The following R3HCC1L variants were observed in gnomAD, a reference collection of about 807,000 sequenced individuals.
The protein encoded by R3HCC1L is coiled-coil domain-containing protein R3HCC1L.
In R3HCC1L, 51 loss-of-function variants were observed where a neutral mutation model predicts 59.9. The ratio of observed to expected loss-of-function variants is 0.85; its 90% CI spans 0.68 to 1.07. The LOEUF (loss-of-function observed/expected upper bound fraction) is 1.07. R3HCC1L is among the 50% of genes least tolerant of loss of function. R3HCC1L has a pLI of 0.00. For synonymous variants in R3HCC1L, 322 were observed against 315.2 expected, an observed-to-expected ratio of 1.02 and a Z score of -0.23; for missense variants, 965 against 933.0, an observed-to-expected ratio of 1.03 and a Z score of -0.45.
At chr10:98,192,765 G>A (rs1346982598) in intron 4 of R3HCC1L, among the ~76,000 whole-genome samples, 1 of 152,114 alleles carries the variant, frequency 6.6e-6, no homozygotes, top group East Asian at 1.9e-4. Flanking sequence ...AATGGAAGAG[G>A]AAGGAACACT....
At chr10:98,225,056 G>T (rs1413267507) in intron 5 of R3HCC1L, among the ~76,000 whole-genome samples, 1 of 152,042 alleles carries the variant, frequency 6.6e-6, no homozygotes, top group Non-Finnish European at 1.5e-5. Context: ...AATTATTAAA[G>T]ACATTTTTTT....
intron 5 of R3HCC1L, among the ~76,000 whole-genome samples, chr10:98,228,218 G>A (rs1484516424): frequency 1.2e-4 from 19 of 152,110 alleles, no homozygotes; most frequent in South Asian, 8.3e-4. Context: ...AAGTGTTCCT[G>A]TTTCTCCACA....
At chr10:98,194,259 G>A (rs1851178355) in intron 4 of R3HCC1L, among the ~76,000 whole-genome samples, 4 of 151,980 alleles carry the variant, frequency 2.6e-5, no homozygotes, top group African/African-American at 9.7e-5. Context: ...AAATCGTGTT[G>A]GGAAAACTGG....
At chr10:98,230,169 C>T (rs955294963) in intron 5 of R3HCC1L, among the ~76,000 whole-genome samples, 1 of 152,152 alleles carries the variant, frequency 6.6e-6, no homozygotes, top group Non-Finnish European at 1.5e-5. Context: ...TCAGCTCCTC[C>T]TTGTACCTCT....
intron 5 of R3HCC1L, among the ~76,000 whole-genome samples, chr10:98,221,975 A>G (rs1590777926): frequency 6.6e-6 from 1 of 152,278 alleles, no homozygotes; most frequent in African/African-American, 2.4e-5. Context: ...TGGGCAGTAT[A>G]GCCATTTTCT....
chr10:98,144,880 C>G (rs2133918156), intron 1 of R3HCC1L, among the ~76,000 whole-genome samples: 1 of 152,188 alleles, frequency 6.6e-6, no homozygotes, highest in East Asian at 1.9e-4. Flanking sequence ...AACAAATTGA[C>G]TGGAGGGGAC....
chr10:98,221,954 G>A (rs534012386), intron 5 of R3HCC1L, among the ~76,000 whole-genome samples: 1 of 152,242 alleles, frequency 6.6e-6, no homozygotes, highest in East Asian at 1.9e-4. Flanking sequence ...CATTGAATCT[G>A]TAAATTACCT....
At position 98,244,269 on chromosome 10, in the gene R3HCC1L, G is replaced by C; in HGVS notation, c.*111G>C. The stretch of plus-strand genomic sequence containing the variant: ...TACATGCAGATGTGCATGTTAAAGA[G>C]ATAAAGTGATCGAGACAAGGACTGA... On this transcript the variant is annotated 3_prime_UTR_variant, in exon 10 of 10. Transcript: ENST00000298999. The C allele has an allele frequency of 9.6e-7, 1 of 1,043,398 alleles. No homozygotes were observed. The highest frequency in any genetic ancestry group is 1.4e-6 in the Non-Finnish European group (1 of 694,988). The allele number at this position is 1,043,398 out of a possible 1,614,324, so 64.6% of individuals were successfully genotyped here.
chr10:98,233,567 C>T (rs1345878904), intron 6 of R3HCC1L, among the ~76,000 whole-genome samples: 2 of 152,068 alleles, frequency 1.3e-5, no homozygotes, highest in African/African-American at 2.4e-5. Context: ...ACAGAGGAGC[C>T]GACCTAGCTT....
In R3HCC1L at chr10:98,209,379, C is replaced by G; in HGVS notation, c.1265C>G (p.Ala422Gly). 2.5e-6 allele frequency: 4 copies of G among 1,613,968 alleles called. No individual in the cohort carries two copies. Among genetic ancestry groups the G allele is most frequent in the Non-Finnish European group, 3.4e-6 (4 of 1,179,982 alleles). The change falls in exon 5 of 10, where the codon GCA (alanine) becomes GGA (glycine). Residue 422 changes from alanine to glycine, a missense_variant. Physicochemically the swap from Ala to Gly is moderately conservative, Grantham distance 60. Coordinates refer to ENST00000298999, the MANE Select transcript of R3HCC1L (RefSeq NM_001351015.2). The stretch of plus-strand genomic sequence containing the variant: ...AAGTTTGTAGGAATGAGTGCAGATG[C>G]AACCCCTCTTCATGTAGCTAGAAGT... ...FSKFVGMSAD[A>G]TPLHVARSGN...
At chr10:98,230,190 A>G (rs1300687065) in intron 5 of R3HCC1L, among the ~76,000 whole-genome samples, 3 of 152,284 alleles carry the variant, frequency 2.0e-5, no homozygotes, top group East Asian at 1.9e-4. Flanking sequence ...GGTAGAATTC[A>G]GCTGTGAATC....
intron 1 of R3HCC1L, among the ~76,000 whole-genome samples, chr10:98,141,579 A>G (rs2133871541): frequency 6.6e-6 from 1 of 152,352 alleles, no homozygotes; most frequent in Non-Finnish European, 1.5e-5. Flanking sequence ...CAGTTTCTGC[A>G]CAGATGGCTT....
intron 1 of R3HCC1L, among the ~76,000 whole-genome samples, chr10:98,144,823 T>C (rs1334966100): frequency 6.6e-6 from 1 of 152,186 alleles, no homozygotes; most frequent in Non-Finnish European, 1.5e-5. Flanking sequence ...TATGTCAGGT[T>C]ATTTAGGCCT....
At chr10:98,231,840 T>C (rs765675985) in intron 6 of R3HCC1L, among the ~76,000 whole-genome samples, 153 bp downstream of exon 6, 35 of 152,228 alleles carry the variant, frequency 2.3e-4, no homozygotes, top group Non-Finnish European at 4.4e-5. Flanking sequence ...GTAGAAATTT[T>C]CTATATTAAA....
At chr10:98,137,880 CTTATTT>C (rs1289754463) in intron 1 of R3HCC1L, among the ~76,000 whole-genome samples, 2 of 151,964 alleles carry the variant, frequency 1.3e-5, no homozygotes, top group African/African-American at 4.8e-5. Flanking sequence ...GTCTTCCTGC[CTTATTT>C]TTATTTTTAT....
intron 4 of R3HCC1L, among the ~76,000 whole-genome samples, chr10:98,191,169 A>C (rs1469729089): frequency 6.6e-6 from 1 of 152,238 alleles, no homozygotes; most frequent in Non-Finnish European, 1.5e-5. Flanking sequence ...GTATGTACCC[A>C]GTAATGGGAT....
intron 4 of R3HCC1L, among the ~76,000 whole-genome samples, chr10:98,187,928 A>AT (rs1357423524): frequency 1.3e-5 from 2 of 151,650 alleles, no homozygotes; most frequent in African/African-American, 4.8e-5. Context: ...TTTTTTGTAC[A>AT]TATAGAGTCT....
In R3HCC1L at chr10:98,208,598, C is replaced by T. The variant is rs1308827294; in HGVS notation, c.484C>T (p.Leu162Phe). Residue 162 changes from leucine to phenylalanine, a missense_variant, in exon 5 of 10, where the codon CTT becomes TTT. Physicochemically the swap from Leu to Phe is conservative, Grantham distance 22 (BLOSUM62 0). Coordinates refer to ENST00000298999, the MANE Select transcript of R3HCC1L (RefSeq NM_001351015.2). ...GGATGTGACAGGACATGAGAGGATA[C>T]TTCTTTCACAGGCCTGTTTAGAAAT... ...TTDVTGHERILLSQACLEISE... is the reference protein window; with the variant it reads ...TTDVTGHERIFLSQACLEISE... 6.2e-7 allele frequency: 1 copy of T among 1,613,974 alleles called. No individual in the cohort carries two copies. Among genetic ancestry groups the T allele is most frequent in the African/African-American group, 1.3e-5 (1 of 74,924 alleles).
chr10:98,230,287 A>G (rs1272745266), intron 5 of R3HCC1L, among the ~76,000 whole-genome samples: 1 of 152,170 alleles, frequency 6.6e-6, no homozygotes, highest in Non-Finnish European at 1.5e-5. Flanking sequence ...CAGAGATTCA[A>G]CTTCTTCCTG....
Sources: gnomAD v4.1 joint callset for allele counts (sites outside exome capture counted in the v4.1 genomes callset) on GRCh38, gnomAD v4.1.1 for gene constraint, MANE v1.5 for transcripts, NCBI Gene and HGNC (gene_info 2026-07-23, HGNC 2026-07-21) for gene names.